MBTPS2: variants seen among roughly 807,000 people sequenced by gnomAD.
MBTPS2 encodes membrane bound transcription factor peptidase, site 2.
Under a neutral mutation model 35.4 loss-of-function variants are expected in MBTPS2, and 2 were observed. The ratio of observed to expected loss-of-function variants is 0.06; its 90% CI spans 0.02 to 0.18. The LOEUF (loss-of-function observed/expected upper bound fraction) is 0.18. Among genes scored for constraint, MBTPS2 ranks in the 10% least tolerant of loss-of-function variants. The pLI is 1.00. For missense variants in MBTPS2, 244 were observed against 386.5 expected (o/e 0.63, Z 3.09); for synonymous variants, 125 against 140.4 (o/e 0.89, Z 0.77).
intron 1 of MBTPS2, among the ~76,000 whole-genome samples, chrX:21,842,506 T>TA (rs2092903774): frequency 9.1e-6 from 1 of 109,517 alleles, no homozygotes; most frequent in Non-Finnish European, 1.9e-5. Flanking sequence ...TAGCCACATG[T>TA]GGTTATTGAG....
chrX:21,875,811 A>G (rs1272141606), intron 7 of MBTPS2, among the ~76,000 whole-genome samples: 1 of 112,227 alleles, frequency 8.9e-6, no homozygotes, highest in Non-Finnish European at 1.9e-5. Flanking sequence ...TTGACTGAGA[A>G]GATGAAGGCA....
At chrX:21,857,712 A>C in intron 5 of MBTPS2, 1 of 735,864 alleles carries the variant, frequency 1.4e-6, no homozygotes, top group Non-Finnish European at 2.0e-6. Flanking sequence ...TTAAAAAAAA[A>C]TGAATCCTGC....
At chrX:21,868,364 T>G in intron 5 of MBTPS2, 103 bp from the exon 6 acceptor site, 1 of 585,225 alleles carries the variant, frequency 1.7e-6, no homozygotes, top group Non-Finnish European at 3.1e-6. Flanking sequence ...CTTCTTCTGA[T>G]CACTTTATTA....
chrX:21,845,315 TTCTTCC>T lies in MBTPS2; in HGVS notation c.381_386del (p.Ser135_Ser136del), dbSNP rs1337491993. The T allele has an allele frequency of 8.4e-7, 1 of 1,192,088 alleles. No individual in the cohort carries two copies. The highest frequency in any genetic ancestry group is 1.1e-6 in the Non-Finnish European group (1 of 879,129). Reference sequence around the variant, plus strand: ...CCTCCTCTTCTTCCTCTTCCTCCTCTTCTTCCTCTTCCTCTTCTTCATCTTCTTCCT... The same window carrying T: ...CCTCCTCTTCTTCCTCTTCCTCCTCTTCTTCCTCTTCTTCATCTTCTTCCT... On this transcript the variant is annotated inframe_deletion, in exon 3 of 11. Coordinates refer to ENST00000379484, the MANE Select transcript of MBTPS2 (RefSeq NM_015884.4).
At position 21,876,238 on chromosome X, in the gene MBTPS2, A is replaced by G. The variant is rs764144516; in HGVS notation, c.971-1804A>G. ...TTTAATATTTTAAATACTGCTCCTC[A>G]CTCAAAATTAAATACCCATTCAGTT... On this transcript the variant is annotated intron_variant, in intron 7 of 10. Coordinates refer to ENST00000379484, the MANE Select transcript of MBTPS2 (RefSeq NM_015884.4). 4.5e-5 allele frequency among the ~76,000 whole-genome samples: 5 copies of G among 111,783 alleles called. No individual in the cohort carries two copies. The East Asian group carries it at 1.4e-3, about 31-fold the overall frequency.
rs189494384 is a variant in MBTPS2 at position 21,855,005 on chromosome X, G to A, written c.670+1502G>A. 6.2e-5 allele frequency among the ~76,000 whole-genome samples: 7 copies of A among 112,187 alleles called. No individual in the cohort carries two copies. The East Asian group carries it at 1.1e-3, about 18-fold the overall frequency. On this transcript the variant is annotated intron_variant, in intron 5 of 10. Coordinates refer to ENST00000379484, the MANE Select transcript of MBTPS2 (RefSeq NM_015884.4). ...TTTAAAGTTTTGCTAAAAGAAAAAT[G>A]CACTGCCTTAGGCAGTCATGCAAAT...
Position 21,873,977 on chromosome X carries a change from CTGTGTG to C in MBTPS2, c.971-4045_971-4040del, listed in dbSNP as rs1208053273. Among the ~76,000 whole-genome samples the C allele has an allele frequency of 2.7e-3, 212 of 79,843 alleles. 3 individuals are homozygous for C. The highest frequency in any genetic ancestry group is 9.1e-3 in the African/African-American group (181 of 19,964). The allele number at this position is 79,843 out of a possible 115,157, so 69.3% of individuals were successfully genotyped here. A position where few individuals can be genotyped will look rare whatever the true frequency, so the allele number is the denominator to read the frequency against. On this transcript the variant is annotated intron_variant, in intron 7 of 10. Coordinates refer to ENST00000379484, the MANE Select transcript of MBTPS2 (RefSeq NM_015884.4). Reference sequence around the variant, plus strand: ...TGTATATAAGTATATATGTGTGTGTCTGTGTGTGTGTGTGTGTGTGTGTGTATATAT... The same window carrying C: ...TGTATATAAGTATATATGTGTGTGTCTGTGTGTGTGTGTGTGTGTATATAT...
Position 21,879,949 on chromosome X carries a change from CT to C in MBTPS2, c.1262-927del, listed in dbSNP as rs60769329. On this transcript the variant is annotated intron_variant, in intron 9 of 10. Coordinates refer to ENST00000379484, the MANE Select transcript of MBTPS2 (RefSeq NM_015884.4). ...ATGGATATGTGGGTTTTATGTTATT[CT>C]TTTTTTTTTTTTTTTTTTTTGAGAC... 1.2e-3 allele frequency among the ~76,000 whole-genome samples: 56 copies of C among 47,385 alleles called. 1 individual carries two copies. Among genetic ancestry groups the C allele is most frequent in the Middle Eastern group, 0.023 (2 of 86 alleles). The allele number at this position is 47,385 out of a possible 115,157, so 41.1% of individuals were successfully genotyped here.
chrX:21,853,794 T>A (rs182477158), intron 5 of MBTPS2, among the ~76,000 whole-genome samples: 2 of 111,300 alleles, frequency 1.8e-5, no homozygotes, highest in East Asian at 5.6e-4. Flanking sequence ...TCAGCTGAAA[T>A]AGAATGAAAT....
rs148708887 is a variant in MBTPS2 at position 21,843,508 on chromosome X, G to T, written c.224+190G>T. 9.5e-3 allele frequency among the ~76,000 whole-genome samples: 1,061 copies of T among 111,563 alleles called. 19 individuals are homozygous for T. The highest frequency in any genetic ancestry group is 0.033 in the African/African-American group (1,005 of 30,720). The stretch of plus-strand genomic sequence containing the variant: ...GTGGCTTGCATACATTAAAAATCAA[G>T]GCATTTATGGCAATTTATAGTTAGG... On this transcript the variant is annotated intron_variant, in intron 2 of 10. Transcript: ENST00000379484.
intron 3 of MBTPS2, among the ~76,000 whole-genome samples, chrX:21,845,774 C>T (rs1216673966): frequency 8.9e-6 from 1 of 112,258 alleles, no homozygotes; most frequent in Non-Finnish European, 1.9e-5. Flanking sequence ...TTTTCATGGC[C>T]TTCAGAGCCT....
intron 3 of MBTPS2, among the ~76,000 whole-genome samples, chrX:21,848,412 C>G (rs1435879365): frequency 9.1e-6 from 1 of 110,020 alleles, no homozygotes; most frequent in Non-Finnish European, 1.9e-5. Flanking sequence ...AGAGTGAAAT[C>G]CCAGCACTTT....
rs1361160978 is a variant in MBTPS2 at position 21,852,241 on chromosome X, G to A, written c.542+629G>A. Among the ~76,000 whole-genome samples the A allele has an allele frequency of 7.2e-5, 8 of 111,517 alleles. No individual in the cohort carries two copies. The Middle Eastern group carries it at 0.014, about 193-fold the overall frequency. ...AAAATCATGATGGGGAGAGGGCCAC[G>A]TCATAACTCCCCTGCTACCTCCACT... On this transcript the variant is annotated intron_variant, in intron 4 of 10. Coordinates refer to ENST00000379484, the MANE Select transcript of MBTPS2 (RefSeq NM_015884.4).
intron 10 of MBTPS2, 53 bp from the exon 11 acceptor site, chrX:21,882,380 A>T: frequency 1.1e-6 from 1 of 889,446 alleles, no homozygotes; most frequent in Non-Finnish European, 1.7e-6. Context: ...TCATAGAAAT[A>T]TGGTTTCTAC....
intron 9 of MBTPS2, among the ~76,000 whole-genome samples, chrX:21,879,333 T>G (rs1162021119): frequency 8.9e-6 from 1 of 111,791 alleles, no homozygotes; most frequent in Middle Eastern, 4.2e-3. Context: ...CAGACTGGAA[T>G]GCAGTGGCTC....
chrX:21,867,384 T>C (rs1315400517), intron 5 of MBTPS2, among the ~76,000 whole-genome samples: 1 of 111,622 alleles, frequency 9.0e-6, no homozygotes. Context: ...TTCCAAATGG[T>C]AAAAGATTTA....
In MBTPS2 at chrX:21,870,742, G is replaced by A. The variant is rs889972495; in HGVS notation, c.970+1064G>A. Reference sequence around the variant, plus strand: ...AATACCATGTGAAGTCAGATATGTTGCTCTGTGCAGCAGATGACAGAGCTG... The same window carrying A: ...AATACCATGTGAAGTCAGATATGTTACTCTGTGCAGCAGATGACAGAGCTG... On this transcript the variant is annotated intron_variant, in intron 7 of 10. Coordinates refer to ENST00000379484, the MANE Select transcript of MBTPS2 (RefSeq NM_015884.4). 4 of 112,153 alleles carry A rather than the reference G, an allele frequency of 3.6e-5. No individual in the cohort carries two copies. The East Asian group carries it at 1.1e-3, about 31-fold the overall frequency. 9.2% of individuals were successfully genotyped at this position (112,153 alleles called of 1,213,427 possible).
intron 3 of MBTPS2, among the ~76,000 whole-genome samples, chrX:21,846,615 C>T (rs1486733790): frequency 1.8e-5 from 2 of 112,184 alleles, no homozygotes; most frequent in African/African-American, 6.5e-5. Context: ...GATGATCCAC[C>T]CGCCTTGGCC....
chrX:21,853,202 T>C (rs1204134893), intron 4 of MBTPS2, among the ~76,000 whole-genome samples, 174 bp from the exon 5 acceptor site: 1 of 111,165 alleles, frequency 9.0e-6, no homozygotes, highest in Non-Finnish European at 1.9e-5. Flanking sequence ...TGTACATTAT[T>C]ATAAAATTAA....
Sources: gnomAD v4.1 joint callset for allele counts (sites outside exome capture counted in the v4.1 genomes callset) on GRCh38, gnomAD v4.1.1 for gene constraint, MANE v1.5 for transcripts, NCBI Gene and HGNC (gene_info 2026-07-23, HGNC 2026-07-21) for gene names.